CHRNB3: variants seen among roughly 807,000 people sequenced by gnomAD.
CHRNB3 encodes neuronal acetylcholine receptor subunit beta-3.
Under a neutral mutation model 40.6 loss-of-function variants are expected in CHRNB3, and 37 were observed. The observed-to-expected ratio is 0.91, with a 90% CI of 0.70 to 1.20. CHRNB3 has a LOEUF of 1.20. Ranked by LOEUF, CHRNB3 falls within the 50% of genes most tolerant of loss-of-function variation. CHRNB3 has a pLI of 0.00. For synonymous variants in CHRNB3, 207 were observed against 207.1 expected (o/e 1.00, Z 0.00); for missense variants, 505 against 551.2 (o/e 0.92, Z 0.84).
chr8:42,706,946 A>G (rs1474565951), intron 1 of CHRNB3, among the ~76,000 whole-genome samples: 2 of 151,858 alleles, frequency 1.3e-5, no homozygotes, highest in Non-Finnish European at 2.9e-5. Flanking sequence ...TTTTTGTAAT[A>G]CAGGGTCTTC....
intron 4 of CHRNB3, 136 bp from the exon 5 acceptor site, chr8:42,731,531 G>A: frequency 1.0e-6 from 1 of 985,622 alleles, no homozygotes; most frequent in East Asian, 2.7e-5. Flanking sequence ...CTCCAGCCCG[G>A]GCGATAGAGT....
chr8:42,728,533 T>TA (rs1292318024), intron 3 of CHRNB3, among the ~76,000 whole-genome samples: 15 of 151,828 alleles, frequency 9.9e-5, no homozygotes, highest in Middle Eastern at 6.8e-3. Flanking sequence ...TGTCTCAAAT[T>TA]AAAAAAACAA....
chr8:42,709,034 C>A (rs114637288), intron 2 of CHRNB3, among the ~76,000 whole-genome samples, 166 bp downstream of exon 2: 15 of 152,152 alleles, frequency 9.9e-5, no homozygotes, highest in African/African-American at 3.4e-4. Flanking sequence ...AAGGAAAGAA[C>A]GAGAAGTTGT....
intron 1 of CHRNB3, among the ~76,000 whole-genome samples, chr8:42,700,718 A>G (rs1252154214): frequency 2.0e-5 from 3 of 152,210 alleles, no homozygotes; most frequent in Admixed American, 6.5e-5. Context: ...TGTTCATAAA[A>G]TTATGGACAG....
rs555734031 is a variant in CHRNB3, at chr8:42,720,061, CT to C, written c.249+9630del. ...AGCACCTTTCCACAGGCAGTTCCAT[CT>C]TTGGCCAGCCTTCCTTCCCCACGCA... On this transcript the variant is annotated intron_variant, in intron 3 of 5. Transcript: ENST00000289957. Among the ~76,000 whole-genome samples the C allele has an allele frequency of 2.6e-3, 386 of 148,558 alleles. 1 individual carries two copies. Among genetic ancestry groups the C allele is most frequent in the Non-Finnish European group, 4.1e-3 (280 of 67,486 alleles).
chr8:42,725,399 CT>C (rs1450633900), intron 3 of CHRNB3: 2 of 519,318 alleles, frequency 3.9e-6, no homozygotes, highest in Non-Finnish European at 7.0e-6. Context: ...CAGCTACTGT[CT>C]TTTCTTTGAC....
At chr8:42,723,965 A>T (rs1406617830) in intron 3 of CHRNB3, among the ~76,000 whole-genome samples, 2 of 152,076 alleles carry the variant, frequency 1.3e-5, no homozygotes, top group African/African-American at 2.4e-5. Context: ...GGATGCCTGT[A>T]ATACCAGCTA....
chr8:42,713,252 T>C (rs1045133228), intron 3 of CHRNB3, among the ~76,000 whole-genome samples: 10 of 151,816 alleles, frequency 6.6e-5, no homozygotes, highest in Non-Finnish European at 1.2e-4. Context: ...TAGGAGTCGT[T>C]TTGGCCAAAG....
chr8:42,722,962 T>TCTA (rs1363393452), intron 3 of CHRNB3, among the ~76,000 whole-genome samples: 1 of 152,074 alleles, frequency 6.6e-6, no homozygotes, highest in Non-Finnish European at 1.5e-5. Context: ...ACTGTTTAGA[T>TCTA]ATTTACTAAC....
At chr8:42,717,848 C>T in intron 3 of CHRNB3, among the ~76,000 whole-genome samples, 1 of 114,000 alleles carries the variant, frequency 8.8e-6, no homozygotes, top group Admixed American at 1.2e-4. Context: ...TTTTTTGAGG[C>T]AGAGTCTCAC....
intron 1 of CHRNB3, among the ~76,000 whole-genome samples, chr8:42,700,844 AGT>A: frequency 1.3e-5 from 2 of 152,284 alleles, no homozygotes; most frequent in Admixed American, 1.3e-4. Flanking sequence ...TTTGTACCTC[AGT>A]GTGAGTTTGT....
chr8:42,704,640 G>A (rs1227590601), intron 1 of CHRNB3, among the ~76,000 whole-genome samples: 1 of 152,136 alleles, frequency 6.6e-6, no homozygotes, highest in Non-Finnish European at 1.5e-5. Context: ...TCTCTTATGT[G>A]TCCAAAATTC....
chr8:42,728,314 T>C (rs925118138), intron 3 of CHRNB3, among the ~76,000 whole-genome samples: 2 of 152,050 alleles, frequency 1.3e-5, no homozygotes, highest in African/African-American at 4.8e-5. Flanking sequence ...TGCTTGAGCC[T>C]AGGGGTTCAA....
intron 2 of CHRNB3, among the ~76,000 whole-genome samples, chr8:42,709,085 G>A (rs973391786): frequency 6.6e-6 from 1 of 152,178 alleles, no homozygotes; most frequent in Admixed American, 6.5e-5. Context: ...AGTGTGGGAC[G>A]ATTCGCTGCG....
chr8:42,730,454 T>C, intron 3 of CHRNB3, 140 bp from the exon 4 acceptor site: 1 of 529,144 alleles, frequency 1.9e-6, no homozygotes, highest in African/African-American at 1.9e-5. Context: ...GAGTCCCCAG[T>C]AGGGTCACGC....
At chr8:42,709,117 T>C (rs965487383) in intron 2 of CHRNB3, among the ~76,000 whole-genome samples, 2 of 152,058 alleles carry the variant, frequency 1.3e-5, no homozygotes, top group East Asian at 3.9e-4. Flanking sequence ...GTTGCTAAGA[T>C]AGTCATTGCT....
chr8:42,735,233 A>G (rs1816502437), intron 5 of CHRNB3, among the ~76,000 whole-genome samples: 1 of 150,082 alleles, frequency 6.7e-6, no homozygotes, highest in African/African-American at 2.5e-5. Context: ...AAACAAACAA[A>G]CAAACAAAAA....
At chr8:42,733,584 T>C (rs936256198) in intron 5 of CHRNB3, among the ~76,000 whole-genome samples, 1 of 143,088 alleles carries the variant, frequency 7.0e-6, no homozygotes, top group Admixed American at 7.6e-5. Context: ...ATCATCCTCA[T>C]CCTTCTTCTT....
chr8:42,722,396 C>G (rs550575348), intron 3 of CHRNB3, among the ~76,000 whole-genome samples: 1 of 151,912 alleles, frequency 6.6e-6, no homozygotes, highest in Admixed American at 6.6e-5. Context: ...AAAAAAAGAT[C>G]TCTTGGTGTG....
Sources: allele counts gnomAD v4.1 joint callset (sites outside exome capture counted in the v4.1 genomes callset), GRCh38; gene constraint gnomAD v4.1.1; transcripts MANE v1.5; gene names NCBI Gene and HGNC (gene_info 2026-07-23, HGNC 2026-07-21).